Variants in THOC2 observed in about 807,000 individuals in gnomAD.
The protein encoded by THOC2 is THO complex subunit 2.
THOC2 carries 10 observed loss-of-function variants against 128.4 expected under a neutral mutation model. The observed-to-expected ratio is 0.08, with a 90% confidence interval of 0.05 to 0.13. The LOEUF (loss-of-function observed/expected upper bound fraction) is 0.13, where lower values mean the gene tolerates loss of function less well. Among genes scored for constraint, THOC2 ranks in the 10% least tolerant of loss-of-function variants. THOC2 has a pLI of 1.00. For synonymous variants in THOC2, 393 were observed against 396.9 expected, an observed-to-expected ratio of 0.99 and a Z score of 0.12; for missense variants, 535 against 1,155.7, an observed-to-expected ratio of 0.46 and a Z score of 7.79.
At chrX:123,714,282 C>T (rs1340033633) in intron 1 of THOC2, among the ~76,000 whole-genome samples, 1 of 111,795 alleles carries the variant, frequency 8.9e-6, no homozygotes, top group Non-Finnish European at 1.9e-5. Context: ...TTTTAAAAAG[C>T]TGTATGCTGT....
intron 38 of THOC2, among the ~76,000 whole-genome samples, chrX:123,608,853 T>C (rs189822146): frequency 6.4e-4 from 72 of 112,595 alleles, no homozygotes; most frequent in Non-Finnish European, 1.1e-3. Flanking sequence ...GACATCCAGC[T>C]AGACATACTT....
intron 22 of THOC2, among the ~76,000 whole-genome samples, chrX:123,629,335 G>A (rs2047390530): frequency 9.3e-6 from 1 of 108,099 alleles, no homozygotes; most frequent in African/African-American, 3.4e-5. Context: ...AGAAAATTTT[G>A]TTTAAGTTAG....
At chrX:123,671,618 C>G (rs1349342768) in intron 9 of THOC2, 51 bp downstream of exon 9, 2 of 850,189 alleles carry the variant, frequency 2.4e-6, no homozygotes, top group Non-Finnish European at 3.3e-6. Flanking sequence ...ACTCCTCTTC[C>G]CTACCCTTGG....
intron 7 of THOC2, among the ~76,000 whole-genome samples, chrX:123,693,668 C>T (rs1475809585): frequency 9.0e-6 from 1 of 110,567 alleles, no homozygotes; most frequent in Non-Finnish European, 1.9e-5. Flanking sequence ...ACCTACATAC[C>T]AAGTATTAAG....
chrX:123,654,703 G>A (rs1175674310), intron 12 of THOC2, among the ~76,000 whole-genome samples: 12 of 95,880 alleles, frequency 1.3e-4, no homozygotes, highest in African/African-American at 4.2e-4. Flanking sequence ...AGGTTATGGT[G>A]AGGTGAGATT....
chrX:123,692,682 A>G (rs1193273096), intron 7 of THOC2, among the ~76,000 whole-genome samples: 6 of 109,704 alleles, frequency 5.5e-5, no homozygotes, highest in African/African-American at 1.7e-4. Context: ...TTGTGTTTTT[A>G]GTAGAGACAG....
chrX:123,601,697 T>C (rs1464477237), intron 38 of THOC2: 2 of 99,252 alleles, frequency 2.0e-5, no homozygotes, highest in Non-Finnish European at 4.1e-5. Context: ...AATGATGACT[T>C]AAAAAAAAAA....
intron 38 of THOC2, among the ~76,000 whole-genome samples, chrX:123,604,328 C>T (rs2046390075): frequency 9.0e-6 from 1 of 110,969 alleles, no homozygotes; most frequent in Admixed American, 9.5e-5. Flanking sequence ...TATGTGTGAA[C>T]GCCATTTTAT....
Position 123,636,186 on chromosome X carries a change from T to C in THOC2, c.1922-11A>G, listed in dbSNP as rs745669041. 3.4e-6 allele frequency: 4 copies of C among 1,162,330 alleles called. No individual in the cohort carries two copies. The highest frequency in any genetic ancestry group is 4.6e-6 in the Non-Finnish European group (4 of 863,008). On this transcript the variant is annotated splice_polypyrimidine_tract_variant and intron_variant, in intron 18 of 38. Transcript: ENST00000245838. Reference sequence around the variant, plus strand: ...AGAAACTAGCCAGACCTATATAAAATAAAAAAAGAGTAAAAACAACTCATA... The same window carrying C: ...AGAAACTAGCCAGACCTATATAAAACAAAAAAAGAGTAAAAACAACTCATA...
At chrX:123,683,584 T>C (rs184195054) in intron 8 of THOC2, among the ~76,000 whole-genome samples, 132 of 109,741 alleles carry the variant, frequency 1.2e-3, no homozygotes, top group African/African-American at 3.8e-3. Context: ...AACTGCAGAT[T>C]CTCACAATGA....
chrX:123,693,109 A>T (rs1254669569), intron 7 of THOC2, among the ~76,000 whole-genome samples: 5 of 112,158 alleles, frequency 4.5e-5, no homozygotes, highest in African/African-American at 6.5e-5. Flanking sequence ...TGCTAACAAC[A>T]CTGAAAGAAT....
Position 123,600,648 on chromosome X carries a change from G to C in THOC2, c.*709C>G, listed in dbSNP as rs1449321483. 2 of 112,364 alleles carry C rather than the reference G, an allele frequency of 1.8e-5. No homozygotes were observed. The highest frequency in any genetic ancestry group is 3.2e-5 in the African/African-American group (1 of 30,865). 9.3% of individuals were successfully genotyped at this position (112,364 alleles called of 1,213,427 possible). A position where few individuals can be genotyped will look rare whatever the true frequency, so the allele number is the denominator to read the frequency against. On this transcript the variant is annotated 3_prime_UTR_variant, in exon 39 of 39. Transcript: ENST00000245838. ...GATAAAAAAATTCTCTTTTAAAAAT[G>C]TCACTGTGAAACTTTTCCAGATGAA...
At chrX:123,686,413 G>T in intron 8 of THOC2, 135 bp downstream of exon 8, 1 of 443,504 alleles carries the variant, frequency 2.3e-6, no homozygotes, top group Non-Finnish European at 3.8e-6. Context: ...TGCATTGTTA[G>T]CTATCCATTT....
intron 8 of THOC2, among the ~76,000 whole-genome samples, chrX:123,679,665 G>C (rs756115635): frequency 1.8e-5 from 2 of 112,273 alleles, no homozygotes; most frequent in African/African-American, 6.5e-5. Flanking sequence ...AAAAGAAAGA[G>C]AGATCAGATT....
At chrX:123,621,612 T>A (rs1317164095) in intron 30 of THOC2, 25 bp from the exon 31 acceptor site, 1 of 1,001,673 alleles carries the variant, frequency 1.0e-6, no homozygotes, top group South Asian at 2.3e-5. Flanking sequence ...CATGGGATTT[T>A]AACACAAATA....
In THOC2 at chrX:123,610,904, G is replaced by T. The variant is rs376093145; in HGVS notation, c.*18+14C>A. ...TTCTATCATTAAGTGAAAAGGTGGT[G>T]AGAGAACACTCACCTTGATGGAAAG... On this transcript the variant is annotated intron_variant, in intron 38 of 38. Coordinates refer to ENST00000245838, the MANE Select transcript of THOC2 (RefSeq NM_001081550.2). The T allele has an allele frequency of 1.7e-6, 2 of 1,185,737 alleles. No individual in the cohort carries two copies. Among genetic ancestry groups the T allele is most frequent in the South Asian group, 3.6e-5 (2 of 54,816 alleles).
intron 8 of THOC2, among the ~76,000 whole-genome samples, chrX:123,682,509 G>A (rs1479153907): frequency 9.0e-6 from 1 of 111,677 alleles, no homozygotes; most frequent in Admixed American, 9.5e-5. Context: ...CTGTTCCCTT[G>A]GCCTAGAGGC....
chrX:123,643,306 T>C (rs1038728955), intron 15 of THOC2, among the ~76,000 whole-genome samples: 2 of 111,578 alleles, frequency 1.8e-5, no homozygotes, highest in African/African-American at 6.5e-5. Context: ...TATATCACCA[T>C]GCCATAAAGC....
intron 33 of THOC2, among the ~76,000 whole-genome samples, chrX:123,617,238 C>T (rs1159940698): frequency 2.7e-5 from 3 of 111,232 alleles, no homozygotes; most frequent in Non-Finnish European, 5.7e-5. Flanking sequence ...TTATTGAATA[C>T]CTAACCTTAC....
Sources: gnomAD v4.1 joint callset for allele counts (sites outside exome capture counted in the v4.1 genomes callset) on GRCh38, gnomAD v4.1.1 for gene constraint, MANE v1.5 for transcripts, NCBI Gene and HGNC (gene_info 2026-07-23, HGNC 2026-07-21) for gene names.